The following PPP2R1A variants were observed in gnomAD, a reference collection of about 807,000 sequenced individuals.
PPP2R1A encodes protein phosphatase 2 scaffold subunit Aalpha.
PPP2R1A carries 15 observed loss-of-function variants against 67.1 expected under a neutral mutation model. The ratio of observed to expected loss-of-function variants is 0.22; its 90% confidence interval spans 0.15 to 0.34. PPP2R1A has a LOEUF of 0.34. Among genes scored for constraint, PPP2R1A ranks in the 10% least tolerant of loss-of-function variants. The pLI is 1.00. For synonymous variants in PPP2R1A, 337 were observed against 325.0 expected, an observed-to-expected ratio of 1.04 and a Z score of -0.40; for missense variants, 369 against 775.0, an observed-to-expected ratio of 0.48 and a Z score of 6.22.
rs1036195072 is a variant in PPP2R1A at position 52,201,923 on chromosome 19, CTCT to C, written c.79-16_79-14del. The C allele has an allele frequency of 1.8e-5, 29 of 1,609,996 alleles. 1 individual carries two copies. In the Middle Eastern group the frequency reaches 4.9e-4, roughly 27 times the overall value. ...CTGGGATTTCTAACATTCTCCCCTC[CTCT>C]TCTTGTTCTCTCATTAGCTTCGCCT... On this transcript the variant is annotated intron_variant, in intron 1 of 14. Coordinates refer to ENST00000322088, the MANE Select transcript of PPP2R1A (RefSeq NM_014225.6).
At chr19:52,222,590 C>G (rs1269275619) in intron 13 of PPP2R1A, among the ~76,000 whole-genome samples, 6 of 152,148 alleles carry the variant, frequency 3.9e-5, no homozygotes, top group African/African-American at 1.4e-4. Context: ...TATGTAACAC[C>G]TCTAATGTAA....
chr19:52,224,356 G>T (rs932615217), intron 13 of PPP2R1A, among the ~76,000 whole-genome samples: 3 of 151,770 alleles, frequency 2.0e-5, no homozygotes, highest in Non-Finnish European at 2.9e-5. Flanking sequence ...ATAGATGAGA[G>T]TGGATGCCTC....
At position 52,212,636 on chromosome 19, in the gene PPP2R1A, C is replaced by T; in HGVS notation, c.504-50C>T. The T allele has an allele frequency of 6.3e-7, 1 of 1,597,946 alleles. No homozygotes were observed. Among genetic ancestry groups the T allele is most frequent in the Non-Finnish European group, 8.5e-7 (1 of 1,176,548 alleles). ...ACAACTGCAGAGTCTGTGCTTGCTC[C>T]TCTCTGCCATACTGCCTGCTGCCTC... On this transcript the variant is annotated intron_variant, in intron 4 of 14. Coordinates refer to ENST00000322088, the MANE Select transcript of PPP2R1A (RefSeq NM_014225.6). The surrounding 1 kb of genome is among the most constrained non-coding windows in gnomAD (Gnocchi z 4.1).
At position 52,226,118 on chromosome 19, in the gene PPP2R1A, G is replaced by A. The variant is rs1447375349; in HGVS notation, c.*137G>A. On this transcript the variant is annotated 3_prime_UTR_variant, in exon 15 of 15. Transcript: ENST00000322088. ...GACCCCAGGCCCCTTCCCCCAGCAC[G>A]GTTCCTCCTCTCCCCAGCCTGGGAA... is the stretch of plus-strand genomic sequence containing the variant. 31 of 1,334,250 alleles carry A rather than the reference G, an allele frequency of 2.3e-5. 1 individual carries two copies. In the East Asian group the frequency reaches 4.3e-4, roughly 18 times the overall value. The allele number at this position is 1,334,250 out of a possible 1,614,324, so 82.7% of individuals were successfully genotyped here.
chr19:52,217,156 C>T (rs528447027), intron 9 of PPP2R1A, among the ~76,000 whole-genome samples: 1 of 152,232 alleles, frequency 6.6e-6, no homozygotes, highest in East Asian at 1.9e-4. Flanking sequence ...CACCACTGCA[C>T]TCCAGCCTGG....
At chr19:52,205,900 C>G in intron 2 of PPP2R1A, 63 bp from the exon 3 acceptor site, 1 of 1,384,750 alleles carries the variant, frequency 7.2e-7, no homozygotes, top group Non-Finnish European at 1.0e-6. Context: ...TCCATGTGTT[C>G]TGAGCTTGGG....
rs2122359635 is a variant in PPP2R1A, at chr19:52,219,571, T to A, written c.1129-120T>A. On this transcript the variant is annotated intron_variant, in intron 9 of 14. Coordinates refer to ENST00000322088, the MANE Select transcript of PPP2R1A (RefSeq NM_014225.6). The surrounding 1 kb of genome is among the most constrained non-coding windows in gnomAD (Gnocchi z 4.0). ...TGTTCCCAGAACGGGGAGCTGGGCT[T>A]GGACAGGAGTAGTCCCTCGGGAGAT... 9.7e-7 allele frequency: 1 copy of A among 1,027,672 alleles called. No homozygotes were observed. Among genetic ancestry groups the A allele is most frequent in the Non-Finnish European group, 1.4e-6 (1 of 725,968 alleles). The allele number at this position is 1,027,672 out of a possible 1,614,324, so 63.7% of individuals were successfully genotyped here.
chr19:52,190,241 G>A, intron 1 of PPP2R1A, 67 bp downstream of exon 1: 2 of 1,506,784 alleles, frequency 1.3e-6, no homozygotes, highest in Non-Finnish European at 1.8e-6. Context: ...CGGCCCTCGC[G>A]GAGAAGACTC....
At chr19:52,200,666 G>A (rs2122296090) in intron 1 of PPP2R1A, among the ~76,000 whole-genome samples, 1 of 152,322 alleles carries the variant, frequency 6.6e-6, no homozygotes, top group African/African-American at 2.4e-5. Context: ...GGCAGGGTTG[G>A]TTCCTTTTGG....
chr19:52,193,167 A>G (rs1568584387), intron 1 of PPP2R1A, among the ~76,000 whole-genome samples: 1 of 152,244 alleles, frequency 6.6e-6, no homozygotes, highest in Non-Finnish European at 1.5e-5. Context: ...CTGAAGCACC[A>G]TAAATAACAT....
At chr19:52,221,393 G>A (rs539983181) in intron 12 of PPP2R1A, among the ~76,000 whole-genome samples, 7 of 152,252 alleles carry the variant, frequency 4.6e-5, no homozygotes, top group East Asian at 1.9e-4. Flanking sequence ...TTGGAGCAGC[G>A]ATCTCAAGCT....
intron 9 of PPP2R1A, among the ~76,000 whole-genome samples, chr19:52,218,059 C>G (rs758149472): frequency 1.3e-5 from 2 of 152,116 alleles, no homozygotes; most frequent in East Asian, 1.9e-4. Context: ...TGCATTGATA[C>G]GGAAGGATTC....
chr19:52,218,601 A>AATC lies in PPP2R1A; in HGVS notation c.1129-1088_1129-1087insCAT, dbSNP rs147409094. ...TGCTTCACATGCACATAGTTTTTATAATTTTATAGATATTAATACAATTTA... is the reference window on the plus strand; with the variant it reads ...TGCTTCACATGCACATAGTTTTTATAATCATTTTATAGATATTAATACAATTTA... On this transcript the variant is annotated intron_variant, in intron 9 of 14. Transcript: ENST00000322088. 6.7e-3 allele frequency among the ~76,000 whole-genome samples: 1,018 copies of AATC among 152,248 alleles called. 13 individuals carry two copies. The highest frequency in any genetic ancestry group is 0.023 in the African/African-American group (968 of 41,524).
Position 52,213,087 on chromosome 19 carries a change from A to C in PPP2R1A, c.784A>C (p.Met262Leu), listed in dbSNP as rs1268243552. ...AEDKSWRVRY[M>L]VADKFTELQK... is the part of the protein sequence containing the mutation. ...AGACAAGTCCTGGCGCGTCCGCTAC[A>C]TGGTGGCTGACAAGTTCACAGAGGT... Residue 262 changes from methionine (M) to leucine (L), a missense_variant, in exon 6 of 15, where the codon ATG becomes CTG. Around this residue, in one of 2 missense-constraint regions of PPP2R1A, gnomAD observed 276 missense variants for 508.4 expected, o/e 0.54. Coordinates refer to ENST00000322088, the MANE Select transcript of PPP2R1A (RefSeq NM_014225.6). This position sits in a 1 kb window ranked among gnomAD's most constrained non-coding sequence, Gnocchi z 4.2. The C allele has an allele frequency of 6.3e-7, 1 of 1,585,062 alleles. No homozygotes were observed. Among genetic ancestry groups the C allele is most frequent in the East Asian group, 2.2e-5 (1 of 44,720 alleles).
chr19:52,220,754 AAGCC>A (rs1264942488), intron 11 of PPP2R1A, among the ~76,000 whole-genome samples: 1 of 152,192 alleles, frequency 6.6e-6, no homozygotes, highest in Non-Finnish European at 1.5e-5. Context: ...CTGTAAAATG[AAGCC>A]AGTAGTGGAA....
chr19:52,190,178 C>A lies in PPP2R1A; in HGVS notation c.78+4C>A, dbSNP rs2089438714. 6.4e-7 allele frequency: 1 copy of A among 1,550,600 alleles called. No individual in the cohort carries two copies. Among genetic ancestry groups the A allele is most frequent in the East Asian group, 2.5e-5 (1 of 40,788 alleles). On this transcript the variant is annotated splice_donor_region_variant and intron_variant, in intron 1 of 14. Transcript: ENST00000322088. Reference sequence around the variant, plus strand: ...ACTCCGCAATGAGGACGTTCAGGTCCGGAGGCTACGGGGGACTTGGGGAAG... The same window carrying A: ...ACTCCGCAATGAGGACGTTCAGGTCAGGAGGCTACGGGGGACTTGGGGAAG...
At position 52,222,277 on chromosome 19, in the gene PPP2R1A, G is replaced by T. The variant is rs185632897; in HGVS notation, c.1661+36G>T. 3 of 1,597,386 alleles carry T rather than the reference G, an allele frequency of 1.9e-6. No individual in the cohort carries two copies. The East Asian group carries it at 6.8e-5, about 36-fold the overall frequency. Reference sequence around the variant, plus strand: ...GATACTCCCCCACACACTGGCAGGGGCTTCTTGTGGGCACCTTAATCTTTG... The same window carrying T: ...GATACTCCCCCACACACTGGCAGGGTCTTCTTGTGGGCACCTTAATCTTTG... On this transcript the variant is annotated intron_variant, in intron 13 of 14. Transcript: ENST00000322088.
chr19:52,224,971 G>A (rs1421708568), intron 13 of PPP2R1A, among the ~76,000 whole-genome samples: 7 of 150,710 alleles, frequency 4.6e-5, no homozygotes, highest in Non-Finnish European at 1.0e-4. Context: ...AAAGTGCTAG[G>A]ATTACAGGCT....
In PPP2R1A at chr19:52,211,142, A is replaced by G; in HGVS notation, c.271-118A>G. On this transcript the variant is annotated intron_variant, in intron 3 of 14. Coordinates refer to ENST00000322088, the MANE Select transcript of PPP2R1A (RefSeq NM_014225.6). The surrounding 1 kb of genome is among the most constrained non-coding windows in gnomAD (Gnocchi z 5.3). ...AAAGGCTATTTTAATGAAGGTCGGG[A>G]TGGGTAATAGGGAAGTTTTCTCTGA... 8.0e-6 allele frequency: 7 copies of G among 870,346 alleles called. No homozygotes were observed. Among genetic ancestry groups the G allele is most frequent in the Non-Finnish European group, 1.2e-5 (7 of 570,172 alleles). 53.9% of individuals were successfully genotyped at this position (870,346 alleles called of 1,614,324 possible).
Sources: gnomAD v4.1 joint callset for allele counts (sites outside exome capture counted in the v4.1 genomes callset) on GRCh38, gnomAD v4.1.1 for gene constraint, gnomAD v4.1.1 regional missense constraint, Gnocchi (gnomAD v3.1) non-coding constraint, MANE v1.5 for transcripts, NCBI Gene and HGNC (gene_info 2026-07-23, HGNC 2026-07-21) for gene names.